Variants in GRM7 observed in about 807,000 individuals in gnomAD.
GRM7 encodes the protein metabotropic glutamate receptor 7.
In GRM7, 35 loss-of-function variants were observed where a neutral mutation model predicts 84.5. The observed-to-expected ratio is 0.41, with a 90% confidence interval of 0.32 to 0.55. The LOEUF (loss-of-function observed/expected upper bound fraction) is 0.55, where lower values mean the gene tolerates loss of function less well. Ranked by LOEUF, GRM7 falls within the 20% of genes least tolerant of loss-of-function variation. GRM7 has a pLI of 0.19. For missense variants in GRM7, 1,003 were observed against 1,194.6 expected (o/e 0.84, Z 2.36); for synonymous variants, 487 against 455.1 (o/e 1.07, Z -0.89).
chr3:7,302,701 T>C (rs1313481540), intron 3 of GRM7, among the ~76,000 whole-genome samples: 1 of 152,086 alleles, frequency 6.6e-6, no homozygotes, highest in African/African-American at 2.4e-5. Context: ...TCTTTTTTAA[T>C]GTGTAGTATC....
At chr3:7,171,370 T>G (rs2125088389) in intron 2 of GRM7, among the ~76,000 whole-genome samples, 1 of 152,262 alleles carries the variant, frequency 6.6e-6, no homozygotes, top group South Asian at 2.1e-4. Context: ...TTCTGTTAAT[T>G]TTGGAGAGAT....
At chr3:7,064,683 G>A (rs11922265) in intron 1 of GRM7, among the ~76,000 whole-genome samples, 16,547 of 150,930 alleles carry the variant, frequency 0.11, 1,231 homozygotes, top group African/African-American at 0.21. Context: ...TTTTCGAATA[G>A]TGTCTTCTTT....
chr3:7,688,314 G>C (rs1700664294), intron 9 of GRM7, among the ~76,000 whole-genome samples: 1 of 152,070 alleles, frequency 6.6e-6, no homozygotes, highest in South Asian at 2.1e-4. Context: ...AAAGCAATGA[G>C]GTCACATCAT....
At chr3:7,658,922 T>TATCA (rs893831637) in intron 8 of GRM7, among the ~76,000 whole-genome samples, 12 of 152,254 alleles carry the variant, frequency 7.9e-5, no homozygotes, top group Non-Finnish European at 1.5e-4. Flanking sequence ...AGGTGAATAC[T>TATCA]ATCATTTTAC....
At chr3:6,912,329 G>T (rs1272131778) in intron 1 of GRM7, among the ~76,000 whole-genome samples, 1 of 152,136 alleles carries the variant, frequency 6.6e-6, no homozygotes, top group Non-Finnish European at 1.5e-5. Flanking sequence ...TTGGTGTGAA[G>T]AATTTTTAAA....
chr3:6,988,332 C>T (rs1694506693), intron 1 of GRM7, among the ~76,000 whole-genome samples: 2 of 151,866 alleles, frequency 1.3e-5, no homozygotes, highest in Non-Finnish European at 2.9e-5. Context: ...TGCAGGTCAT[C>T]ATGGACCACT....
chr3:7,665,168 CTTTTTT>C (rs34966790), intron 8 of GRM7, among the ~76,000 whole-genome samples: 3 of 102,522 alleles, frequency 2.9e-5, no homozygotes, highest in South Asian at 3.1e-4. Context: ...GCCCATGATT[CTTTTTT>C]TTTTTTTTTT....
chr3:7,167,202 G>A lies in GRM7; in HGVS notation c.736+20534G>A, dbSNP rs190690217. 1.6e-4 allele frequency among the ~76,000 whole-genome samples: 25 copies of A among 152,016 alleles called. No homozygotes were observed. The East Asian group carries it at 3.7e-3, about 22-fold the overall frequency. On this transcript the variant is annotated intron_variant, in intron 2 of 9. Transcript: ENST00000357716. The stretch of plus-strand genomic sequence containing the variant: ...GGCAGCTTCTCTTGTTTTTATTATC[G>A]CCAAAATAAGAAGCACCATCTCTAA...
At position 7,015,530 on chromosome 3, in the gene GRM7, T is replaced by C. The variant is rs148282815; in HGVS notation, c.520-130922T>C. On this transcript the variant is annotated intron_variant, in intron 1 of 9. Transcript: ENST00000357716. ...ACAAATTAATGCAAAAATTAGCAGATTAAAATAATGAAAACATATCCCAGT... is the reference window on the plus strand; with the variant it reads ...ACAAATTAATGCAAAAATTAGCAGACTAAAATAATGAAAACATATCCCAGT... 9.2e-5 allele frequency among the ~76,000 whole-genome samples: 14 copies of C among 152,304 alleles called. 1 individual carries two copies. In the East Asian group the frequency reaches 2.7e-3, roughly 29 times the overall value.
At chr3:6,885,321 T>C (rs1695650089) in intron 1 of GRM7, among the ~76,000 whole-genome samples, 1 of 152,214 alleles carries the variant, frequency 6.6e-6, no homozygotes, top group Admixed American at 6.5e-5. Context: ...TCTGCAGTCA[T>C]ACTTAGACCC....
intron 4 of GRM7, among the ~76,000 whole-genome samples, chr3:7,331,746 A>G (rs1439628356): frequency 6.6e-6 from 1 of 152,212 alleles, no homozygotes; most frequent in Admixed American, 6.5e-5. Context: ...GCATAAAAGC[A>G]GTCTCTTTTC....
chr3:7,657,108 C>T (rs886772336), intron 8 of GRM7, among the ~76,000 whole-genome samples: 10 of 152,168 alleles, frequency 6.6e-5, no homozygotes, highest in Admixed American at 5.9e-4. Context: ...CAATTTTCCA[C>T]AATCCCGATG....
intron 9 of GRM7, among the ~76,000 whole-genome samples, chr3:7,693,039 AT>A (rs1045308647): frequency 7.0e-6 from 1 of 143,240 alleles, no homozygotes; most frequent in African/African-American, 2.6e-5. Flanking sequence ...TTCCTCTTGG[AT>A]TTTTTTTGAT....
chr3:6,959,398 A>G (rs1223501198), intron 1 of GRM7, among the ~76,000 whole-genome samples: 2 of 152,170 alleles, frequency 1.3e-5, no homozygotes. Context: ...ATTCTTCAGG[A>G]AGATGGTTAA....
At chr3:7,588,907 T>G (rs927803791) in intron 8 of GRM7, among the ~76,000 whole-genome samples, 1 of 152,214 alleles carries the variant, frequency 6.6e-6, no homozygotes, top group African/African-American at 2.4e-5. Flanking sequence ...AAAAAAGGCT[T>G]GATTTATATA....
At position 6,861,948 on chromosome 3, in the gene GRM7, A is replaced by G; in HGVS notation, c.519+41A>G. ...CTCCGGGGCGGAGCACACAGTGGCT[A>G]CCTGCGCCCTTAACCCTAAAAGCTG... On this transcript the variant is annotated intron_variant, in intron 1 of 9. Transcript: ENST00000357716. The surrounding 1 kb of genome is among the most constrained non-coding windows in gnomAD (Gnocchi z 6.4). The G allele has an allele frequency of 1.3e-6, 2 of 1,536,190 alleles. No individual in the cohort carries two copies. Among genetic ancestry groups the G allele is most frequent in the Non-Finnish European group, 1.8e-6 (2 of 1,125,660 alleles).
intron 2 of GRM7, among the ~76,000 whole-genome samples, chr3:7,238,254 A>T (rs1007500779): frequency 3.9e-5 from 6 of 152,084 alleles, no homozygotes; most frequent in Admixed American, 3.3e-4. Context: ...CCCAGGCCAC[A>T]CTAATTCATT....
intron 1 of GRM7, among the ~76,000 whole-genome samples, chr3:6,925,770 T>C (rs1254422341): frequency 6.6e-6 from 1 of 152,200 alleles, no homozygotes; most frequent in Non-Finnish European, 1.5e-5. Flanking sequence ...ATCTTACCCA[T>C]TGATCCTACC....
At chr3:7,212,282 A>C (rs537780796) in intron 2 of GRM7, among the ~76,000 whole-genome samples, 1 of 152,082 alleles carries the variant, frequency 6.6e-6, no homozygotes, top group Non-Finnish European at 1.5e-5. Flanking sequence ...GGAAATGGAA[A>C]TATCTACCTG....
Sources: gnomAD v4.1 joint callset for allele counts (sites outside exome capture counted in the v4.1 genomes callset) on GRCh38, gnomAD v4.1.1 for gene constraint, Gnocchi (gnomAD v3.1) non-coding constraint, MANE v1.5 for transcripts, NCBI Gene and HGNC (gene_info 2026-07-23, HGNC 2026-07-21) for gene names.